Variants in KCNT1 observed in about 807,000 individuals in gnomAD.
KCNT1 encodes the protein potassium sodium-activated channel subfamily T member 1, also known as potassium channel subfamily T member 1.
A neutral mutation model predicts 147.8 loss-of-function variants in KCNT1; 78 were observed. The ratio of observed to expected loss-of-function variants is 0.53; its 90% CI spans 0.44 to 0.64. KCNT1 has a LOEUF of 0.64. Among genes scored for constraint, KCNT1 ranks in the 30% least tolerant of loss-of-function variants. The probability of loss-of-function intolerance (pLI) is 0.00; values close to 1 mark genes in which losing one functional copy is unlikely to be tolerated. For missense variants in KCNT1, 1,419 were observed against 1,750.3 expected (o/e 0.81, Z 3.38); for synonymous variants, 867 against 748.8 (o/e 1.16, Z -2.58).
At chr9:135,755,685 G>C (rs763602238) in intron 6 of KCNT1, among the ~76,000 whole-genome samples, 8 of 150,676 alleles carry the variant, frequency 5.3e-5, no homozygotes, top group Admixed American at 2.6e-4. Context: ...ACAAACCCAG[G>C]CTCAGTAAAT....
rs1373486252 is a variant in KCNT1 at position 135,786,454 on chromosome 9, G to A, written c.3435G>A (p.Glu1145=). 7 of 1,600,268 alleles carry A rather than the reference G, an allele frequency of 4.4e-6. No homozygotes were observed. The highest frequency in any genetic ancestry group is 1.3e-5 in the African/African-American group (1 of 74,390). Residue 1145 remains glutamate, a synonymous_variant, in exon 29 of 31, where the codon GAG becomes GAA. Coordinates refer to ENST00000371757, the MANE Select transcript of KCNT1 (RefSeq NM_020822.3). ...GCCTCAGCCTGTACCGGCGCTCTGA[G>A]CGCCAGGAGCTCTCCGAGCTGGTGA... ...QQRLSLYRRS[E]RQELSELVKN...
chr9:135,759,169 C>G (rs1485104841), intron 10 of KCNT1, among the ~76,000 whole-genome samples: 1 of 152,192 alleles, frequency 6.6e-6, no homozygotes, highest in East Asian at 1.9e-4. Context: ...GGCGGCGACC[C>G]CAGCCCTGCC....
At chr9:135,725,550 T>C (rs1047292786) in intron 2 of KCNT1, among the ~76,000 whole-genome samples, 1 of 152,008 alleles carries the variant, frequency 6.6e-6, no homozygotes, top group Non-Finnish European at 1.5e-5. Context: ...ACACCAGGAT[T>C]TTGCATTCTG....
At position 135,786,274 on chromosome 9, in the gene KCNT1, C is replaced by T. The variant is rs371632359; in HGVS notation, c.3255C>T (p.Thr1085=). The T allele has an allele frequency of 2.6e-5, 42 of 1,609,670 alleles. 1 individual carries two copies. Among genetic ancestry groups the T allele is most frequent in the African/African-American group, 1.3e-4 (10 of 74,874 alleles). The part of the protein sequence containing the change: ...VKGPWGSRAG[T]GGSSQGRHTG... The stretch of plus-strand genomic sequence containing the variant: ...GGCCCTGGGGCTCCCGCGCTGGCAC[C>T]GGAGGCAGCTCCCAGGGCCGCCACA... Residue 1085 remains threonine (T), a synonymous_variant, in exon 29 of 31, where the codon ACC becomes ACT. Coordinates refer to ENST00000371757, the MANE Select transcript of KCNT1 (RefSeq NM_020822.3).
rs190769992 is a variant in KCNT1 at position 135,791,971 on chromosome 9, G to A, written c.3588-70G>A. ...AGGCCACAGGCACCACAGTGGGGCC[G>A]CTCAGCAGAGGGCTGAGCAGGGGCT... On this transcript the variant is annotated intron_variant, in intron 30 of 30. Coordinates refer to ENST00000371757, the MANE Select transcript of KCNT1 (RefSeq NM_020822.3). The A allele has an allele frequency of 6.3e-5, 102 of 1,607,906 alleles. No individual in the cohort carries two copies. In the East Asian group the frequency reaches 6.9e-4, roughly 11 times the overall value.
intron 28 of KCNT1, chr9:135,785,550 G>T (rs775471434): frequency 6.1e-6 from 4 of 660,750 alleles, no homozygotes; most frequent in Admixed American, 4.4e-5. Flanking sequence ...GCTGAGGCCT[G>T]GGGGGAGTAG....
intron 2 of KCNT1, among the ~76,000 whole-genome samples, chr9:135,724,697 T>C (rs1052693039): frequency 6.6e-6 from 1 of 152,226 alleles, no homozygotes; most frequent in Middle Eastern, 3.2e-3. Flanking sequence ...TTAAGACAAT[T>C]ATTTTCCATC....
intron 2 of KCNT1, among the ~76,000 whole-genome samples, chr9:135,725,524 G>A (rs1836099947): frequency 2.0e-5 from 3 of 152,240 alleles, no homozygotes; most frequent in South Asian, 4.1e-4. Context: ...GCTTGCGGGG[G>A]AGGGTGGACC....
At chr9:135,758,895 C>G (rs995780185) in intron 10 of KCNT1, among the ~76,000 whole-genome samples, 11 of 151,694 alleles carry the variant, frequency 7.3e-5, no homozygotes, top group Non-Finnish European at 1.6e-4. Flanking sequence ...GCGAGGGCCT[C>G]CAGCCCACCC....
chr9:135,768,245 G>C (rs1463547609), intron 13 of KCNT1, among the ~76,000 whole-genome samples: 6 of 40,120 alleles, frequency 1.5e-4, no homozygotes, highest in South Asian at 1.0e-3. Flanking sequence ...GCCTGCGGGG[G>C]GGGGGGGGGG....
intron 10 of KCNT1, 24 bp from the exon 11 acceptor site, chr9:135,759,655 G>T (rs549599793): frequency 3.2e-6 from 5 of 1,576,746 alleles, no homozygotes; most frequent in East Asian, 2.3e-5. Context: ...GCCCCAGGCC[G>T]CCCCTCACTG....
At chr9:135,791,435 C>T in intron 29 of KCNT1, 1 of 280,028 alleles carries the variant, frequency 3.6e-6, no homozygotes, top group Admixed American at 4.8e-5. Flanking sequence ...GGTGAACAGA[C>T]ACGTCCCGGT....
chr9:135,702,420 A>AT, intron 1 of KCNT1, 52 bp downstream of exon 1: 3 of 1,360,338 alleles, frequency 2.2e-6, no homozygotes, highest in South Asian at 1.2e-5. Context: ...CTAACCTAAG[A>AT]CCCCCAAGTT....
rs117289936 is a variant in KCNT1 at position 135,767,629 on chromosome 9, G to A, written c.1338-981G>A. On this transcript the variant is annotated intron_variant, in intron 13 of 30. Coordinates refer to ENST00000371757, the MANE Select transcript of KCNT1 (RefSeq NM_020822.3). ...TGGCAACATACAAGATGGGTACCCCGGAAGCCAGTGCCCAGGTCACTGGCA... is the reference window on the plus strand; with the variant it reads ...TGGCAACATACAAGATGGGTACCCCAGAAGCCAGTGCCCAGGTCACTGGCA... Among the ~76,000 whole-genome samples, 594 of 151,718 alleles carry A rather than the reference G, an allele frequency of 3.9e-3. 1 individual carries two copies. Among genetic ancestry groups the A allele is most frequent in the Non-Finnish European group, 6.2e-3 (421 of 67,902 alleles).
intron 30 of KCNT1, 21 bp from the exon 31 acceptor site, chr9:135,792,020 G>A (rs565667737): frequency 6.2e-7 from 1 of 1,603,344 alleles, no homozygotes; most frequent in African/African-American, 1.3e-5. Context: ...CCACTCCAGG[G>A]TCCTCTGTGC....
At chr9:135,741,859 C>CTT (rs1277815371) in intron 2 of KCNT1, among the ~76,000 whole-genome samples, 1 of 152,194 alleles carries the variant, frequency 6.6e-6, no homozygotes, top group African/African-American at 2.4e-5. Context: ...CTCTGAAGTC[C>CTT]TTTGAGGAGG....
chr9:135,783,317 TCAGAAGA>T (rs1249443806), intron 24 of KCNT1, among the ~76,000 whole-genome samples: 1 of 151,968 alleles, frequency 6.6e-6, no homozygotes, highest in Non-Finnish European at 1.5e-5. Context: ...CACGGCCAGC[TCAGAAGA>T]GGGAAGAGGG....
chr9:135,706,975 T>C (rs1252088899), intron 1 of KCNT1, among the ~76,000 whole-genome samples: 1 of 151,658 alleles, frequency 6.6e-6, no homozygotes, highest in Non-Finnish European at 1.5e-5. Flanking sequence ...GAAGCCTCAC[T>C]TGTGCCTCAG....
At chr9:135,742,844 G>A (rs1830635219) in intron 2 of KCNT1, 1 of 716,912 alleles carries the variant, frequency 1.4e-6, no homozygotes, top group Middle Eastern at 2.3e-4. Context: ...GAACTGTCTT[G>A]GTGGCAGACA....
Sources: allele counts gnomAD v4.1 joint callset (sites outside exome capture counted in the v4.1 genomes callset), GRCh38; gene constraint gnomAD v4.1.1; transcripts MANE v1.5; gene names NCBI Gene and HGNC (gene_info 2026-07-23, HGNC 2026-07-21).